ZNF385D: variants seen among roughly 807,000 people sequenced by gnomAD.
The protein encoded by ZNF385D is zinc finger protein 385D.
Under a neutral mutation model 35.8 loss-of-function variants are expected in ZNF385D, and 15 were observed. That is an observed-to-expected ratio of 0.42 (90% confidence interval 0.28 to 0.64). The LOEUF (loss-of-function observed/expected upper bound fraction) is 0.64, where lower values mean the gene tolerates loss of function less well. Among genes scored for constraint, ZNF385D ranks in the 30% least tolerant of loss-of-function variants. The probability of loss-of-function intolerance (pLI) is 0.23; values close to 1 mark genes in which losing one functional copy is unlikely to be tolerated. For missense variants in ZNF385D, 474 were observed against 494.6 expected, an observed-to-expected ratio of 0.96 and a Z score of 0.39; for synonymous variants, 212 against 186.8, an observed-to-expected ratio of 1.13 and a Z score of -1.10.
chr3:22,271,218 A>T (rs959367890), intron 2 of ZNF385D, among the ~76,000 whole-genome samples: 1 of 128,422 alleles, frequency 7.8e-6, no homozygotes, highest in Admixed American at 7.8e-5. Flanking sequence ...TATAGTCAGG[A>T]GACAGCAATA....
chr3:21,799,644 A>G (rs1227651560), intron 3 of ZNF385D, among the ~76,000 whole-genome samples: 1 of 152,246 alleles, frequency 6.6e-6, no homozygotes, highest in South Asian at 2.1e-4. Flanking sequence ...TCGAGTTCTA[A>G]GAGTCCTTTT....
chr3:21,758,872 A>C (rs2125579774), intron 3 of ZNF385D, among the ~76,000 whole-genome samples: 1 of 151,482 alleles, frequency 6.6e-6, no homozygotes, highest in East Asian at 2.0e-4. Context: ...TATTATAACC[A>C]AAAATAGATG....
chr3:21,437,282 T>C (rs541282368), intron 4 of ZNF385D, 79 bp from the exon 5 acceptor site: 3 of 1,302,562 alleles, frequency 2.3e-6, no homozygotes, highest in East Asian at 2.3e-5. Flanking sequence ...ATCATGAATA[T>C]TGCATTCTGC....
At chr3:22,049,095 G>C (rs908452360) in intron 3 of ZNF385D, among the ~76,000 whole-genome samples, 4 of 151,902 alleles carry the variant, frequency 2.6e-5, no homozygotes, top group Admixed American at 6.6e-5. Context: ...TCAGGAGTTT[G>C]AGACCACCCT....
intron 3 of ZNF385D, among the ~76,000 whole-genome samples, chr3:22,160,052 T>C (rs1028771835): frequency 3.9e-5 from 6 of 152,048 alleles, no homozygotes; most frequent in Non-Finnish European, 1.5e-5. Context: ...GTTCTTGTGA[T>C]GTTCATTCTC....
chr3:21,586,205 C>G (rs2063806945), intron 2 of ZNF385D, among the ~76,000 whole-genome samples: 2 of 151,742 alleles, frequency 1.3e-5, no homozygotes, highest in South Asian at 4.2e-4. Context: ...GACTCTGTCC[C>G]TAAGGGGAAA....
At chr3:21,654,508 T>G (rs2125229633) in intron 2 of ZNF385D, among the ~76,000 whole-genome samples, 1 of 152,148 alleles carries the variant, frequency 6.6e-6, no homozygotes, top group South Asian at 2.1e-4. Context: ...ATGAATTACC[T>G]AAATAACTGC....
At chr3:21,996,282 A>T (rs1388678769) in intron 3 of ZNF385D, among the ~76,000 whole-genome samples, 1 of 152,062 alleles carries the variant, frequency 6.6e-6, no homozygotes, top group Non-Finnish European at 1.5e-5. Flanking sequence ...CAATGGTGGG[A>T]ATGTGGACTG....
Position 22,193,327 on chromosome 3 carries a change from G to A in ZNF385D, c.107-24292C>T, listed in dbSNP as rs71312037. On this transcript the variant is annotated intron_variant, in intron 2 of 5. Coordinates refer to the ZNF385D transcript ENST00000494108. ...AGGCAGTAATTTGAGCTTAGTCATT[G>A]TTTGTACACATTTTTCTATTACAAA... 6.6e-3 allele frequency among the ~76,000 whole-genome samples: 1,010 copies of A among 152,038 alleles called. 6 individuals carry two copies. The highest frequency in any genetic ancestry group is 0.011 in the Non-Finnish European group (740 of 67,950).
At chr3:21,787,847 CAGG>C (rs1447626572) in intron 3 of ZNF385D, among the ~76,000 whole-genome samples, 1 of 149,086 alleles carries the variant, frequency 6.7e-6, no homozygotes, top group Non-Finnish European at 1.5e-5. Flanking sequence ...GAGGCTGAGG[CAGG>C]AGAATGGCGT....
At chr3:21,776,808 G>C (rs1238731144) in intron 3 of ZNF385D, among the ~76,000 whole-genome samples, 1 of 151,830 alleles carries the variant, frequency 6.6e-6, no homozygotes, top group African/African-American at 2.4e-5. Context: ...ACGGCTACCA[G>C]AACTCCATGA....
rs766430785 is a variant in ZNF385D at position 22,113,883 on chromosome 3, C to T, written c.325+54934G>A. On this transcript the variant is annotated intron_variant, in intron 3 of 5. Coordinates refer to the ZNF385D transcript ENST00000494108. The stretch of plus-strand genomic sequence containing the variant: ...TTACCCAGAATTACAGCTCATTTTT[C>T]TACCTTGCTAAATCTAGATAGAAAG... 4.2e-4 allele frequency among the ~76,000 whole-genome samples: 64 copies of T among 152,054 alleles called. 1 individual carries two copies. Among genetic ancestry groups the T allele is most frequent in the Non-Finnish European group, 7.4e-5 (5 of 67,986 alleles).
intron 3 of ZNF385D, among the ~76,000 whole-genome samples, chr3:21,967,599 G>A (rs1702984194): frequency 6.6e-6 from 1 of 152,152 alleles, no homozygotes; most frequent in African/African-American, 2.4e-5. Context: ...TCTTCCTCAG[G>A]TCATTTACTG....
chr3:21,846,166 C>A (rs567213023), intron 3 of ZNF385D, among the ~76,000 whole-genome samples: 31 of 151,996 alleles, frequency 2.0e-4, no homozygotes, highest in Non-Finnish European at 4.3e-4. Flanking sequence ...TATAACTGTA[C>A]AGCTAGGGAA....
At chr3:22,326,837 A>G (rs1418769472) in intron 2 of ZNF385D, among the ~76,000 whole-genome samples, 1 of 152,166 alleles carries the variant, frequency 6.6e-6, no homozygotes, top group Non-Finnish European at 1.5e-5. Context: ...AAGCACCCCA[A>G]AGTATTTTCT....
chr3:21,608,012 C>CTTCTTTTTTT (rs2064536095), intron 2 of ZNF385D, among the ~76,000 whole-genome samples: 5 of 123,952 alleles, frequency 4.0e-5, no homozygotes, highest in African/African-American at 1.6e-4. Flanking sequence ...TCTTTTTCTT[C>CTTCTTTTTTT]TTTTTTTTTT....
At chr3:21,847,067 G>C (rs1291929830) in intron 3 of ZNF385D, among the ~76,000 whole-genome samples, 1 of 151,986 alleles carries the variant, frequency 6.6e-6, no homozygotes. Context: ...TTTTTCAGTT[G>C]AAGTTATTTC....
chr3:22,280,808 T>C (rs757190352), intron 2 of ZNF385D, among the ~76,000 whole-genome samples: 6 of 152,062 alleles, frequency 3.9e-5, no homozygotes, highest in African/African-American at 7.2e-5. Flanking sequence ...GAGGAATGAT[T>C]GCGGTATTTT....
intron 3 of ZNF385D, among the ~76,000 whole-genome samples, chr3:21,963,304 G>C (rs567212775): frequency 6.6e-6 from 1 of 152,236 alleles, no homozygotes; most frequent in East Asian, 1.9e-4. Context: ...TTCGGAGGTA[G>C]GATTAAAGCA....
Sources: allele counts gnomAD v4.1 joint callset (sites outside exome capture counted in the v4.1 genomes callset), GRCh38; gene constraint gnomAD v4.1.1; transcripts MANE v1.5; gene names NCBI Gene and HGNC (gene_info 2026-07-23, HGNC 2026-07-21).